The following ULK2 variants were observed in gnomAD, a reference collection of about 807,000 sequenced individuals.
ULK2 encodes the protein serine/threonine-protein kinase ULK2.
ULK2 carries 76 observed loss-of-function variants against 127.5 expected under a neutral mutation model. The observed-to-expected ratio is 0.60, with a 90% CI of 0.50 to 0.72. ULK2 has a LOEUF of 0.72. Among genes scored for constraint, ULK2 ranks in the 30% least tolerant of loss-of-function variants. The pLI is 0.00. For missense variants in ULK2, 1,144 were observed against 1,295.9 expected (o/e 0.88, Z 1.80); for synonymous variants, 452 against 461.9 (o/e 0.98, Z 0.28).
chr17:19,786,148 G>A (rs2087026653), intron 20 of ULK2, 62 bp from the exon 21 acceptor site: 2 of 1,478,796 alleles, frequency 1.4e-6, no homozygotes, highest in Non-Finnish European at 1.8e-6. Flanking sequence ...TGGGAGATGG[G>A]ATTGCAGGGG....
intron 12 of ULK2, among the ~76,000 whole-genome samples, chr17:19,818,461 A>C (rs542671436): frequency 9.2e-5 from 14 of 152,314 alleles, no homozygotes; most frequent in African/African-American, 3.1e-4. Flanking sequence ...ACTCCACAAT[A>C]TCTTTCCAGT....
intron 3 of ULK2, among the ~76,000 whole-genome samples, chr17:19,856,783 T>A (rs539482452): frequency 6.7e-6 from 1 of 150,102 alleles, no homozygotes; most frequent in Admixed American, 6.7e-5. Flanking sequence ...CCATCCTGGC[T>A]AACACGGTGA....
In ULK2 at chr17:19,801,780, A is replaced by G. The variant is rs1429379778; in HGVS notation, c.1438T>C (p.Leu480=). 2 of 1,613,180 alleles carry G rather than the reference A, an allele frequency of 1.2e-6. 1 individual carries two copies. Residue 480 remains leucine, a synonymous_variant, in exon 16 of 27, where the codon TTG becomes CTG. Transcript: ENST00000395544. ...GSSRPYSPSP[L]VGTIPEQFSQ... is the part of the protein sequence containing the mutation. ...ACTGTTTTTAAACTCTACTTACCCA[A>G]AGGGGAAGGTGAGTAAGGCCTAGAA...
chr17:19,785,656 C>A (rs115223212), intron 21 of ULK2, among the ~76,000 whole-genome samples: 4,661 of 151,824 alleles, frequency 0.031, 224 homozygotes, highest in African/African-American at 0.11. Flanking sequence ...ACGAAGAAGT[C>A]ATATTTATAC....
intron 7 of ULK2, 62 bp from the exon 8 acceptor site, chr17:19,843,284 T>C: frequency 3.7e-6 from 4 of 1,080,082 alleles, no homozygotes; most frequent in African/African-American, 1.6e-5. Context: ...TATGCACATA[T>C]TAATTAACTG....
At chr17:19,838,190 C>A (rs1223034472) in intron 10 of ULK2, among the ~76,000 whole-genome samples, 1 of 150,842 alleles carries the variant, frequency 6.6e-6, no homozygotes, top group East Asian at 1.9e-4. Context: ...CCCACCCCCA[C>A]CCCACCCCCA....
intron 25 of ULK2, among the ~76,000 whole-genome samples, chr17:19,778,907 AT>A (rs2086861790): frequency 6.6e-6 from 1 of 152,200 alleles, no homozygotes; most frequent in South Asian, 2.1e-4. Context: ...GAACGGAGGA[AT>A]TTATAAGTTA....
At chr17:19,854,818 G>A (rs898383463) in intron 3 of ULK2, among the ~76,000 whole-genome samples, 2 of 152,048 alleles carry the variant, frequency 1.3e-5, no homozygotes, top group Admixed American at 1.3e-4. Context: ...TTAAAGACAC[G>A]GCGGGGGCAT....
At chr17:19,814,440 T>TATATATATACACACATATATA (rs1567696572) in intron 13 of ULK2, among the ~76,000 whole-genome samples, 22 of 7,070 alleles carry the variant, frequency 3.1e-3, no homozygotes, top group African/African-American at 7.9e-3. Context: ...ATATATATAT[T>TATATATATACACACATATATA]TTTTTTTTTT....
chr17:19,841,185 G>C (rs1189269072), intron 9 of ULK2, among the ~76,000 whole-genome samples: 2 of 152,080 alleles, frequency 1.3e-5, no homozygotes, highest in Non-Finnish European at 2.9e-5. Context: ...GCAAAGCTGG[G>C]GGGAATTCAC....
At chr17:19,823,048 ACTCC>A (rs1170650298) in intron 12 of ULK2, among the ~76,000 whole-genome samples, 1 of 138,108 alleles carries the variant, frequency 7.2e-6, no homozygotes, top group East Asian at 2.1e-4. Flanking sequence ...CTGGCCTTGA[ACTCC>A]TGGGATCAAG....
At position 19,782,027 on chromosome 17, in the gene ULK2, A is replaced by G. The variant is rs2152381780; in HGVS notation, c.2501T>C (p.Leu834Pro). The G allele has an allele frequency of 6.2e-7, 1 of 1,614,208 alleles. No homozygotes were observed. The highest frequency in any genetic ancestry group is 1.1e-5 in the South Asian group (1 of 91,080). The stretch of plus-strand genomic sequence containing the variant: ...GTCCAGCACACACTCAGTGAACATC[A>G]GCATCACATTCAGATGGCGTAAGGT... The part of the protein sequence containing the change: ...TDTLRHLNVM[L>P]MFTECVLDLT... Residue 834 changes from leucine (L) to proline (P), a missense_variant, in exon 23 of 27, where the codon CTG becomes CCG. Physicochemically the swap from Leu to Pro is moderately conservative, Grantham distance 98. This residue lies in a region of ULK2 where 913 missense variants were observed against 970.5 expected (regional missense o/e 0.94). Coordinates refer to ENST00000395544, the MANE Select transcript of ULK2 (RefSeq NM_014683.4).
chr17:19,803,108 A>C (rs1298799077), intron 15 of ULK2, among the ~76,000 whole-genome samples: 1 of 152,194 alleles, frequency 6.6e-6, no homozygotes, highest in Non-Finnish European at 1.5e-5. Flanking sequence ...AAGACTTACC[A>C]TTTTTGACAA....
chr17:19,780,590 G>C lies in ULK2; in HGVS notation c.2798C>G (p.Thr933Ser). 1 of 1,613,004 alleles carries C rather than the reference G, an allele frequency of 6.2e-7. No homozygotes were observed. Among genetic ancestry groups the C allele is most frequent in the East Asian group, 2.2e-5 (1 of 44,822 alleles). ...CTTTTCTGTAAGTTTCTTGCACATG[G>C]TGATGCAGAATTTATATCGTTCGTT... ...NLNERYKFCI[T>S]MCKKLTEKLN... The change falls in exon 25 of 27, where the codon ACC becomes AGC. Residue 933 changes from threonine (T) to serine (S), a missense_variant. Physicochemically the swap from Thr to Ser is moderately conservative, Grantham distance 58. Transcript: ENST00000395544.
rs1870357531 is a variant in ULK2 at position 19,846,676 on chromosome 17, A to C, written c.469+61T>G. 4 of 1,492,792 alleles carry C rather than the reference A, an allele frequency of 2.7e-6. No individual in the cohort carries two copies. The African/African-American group carries it at 4.3e-5, about 16-fold the overall frequency. The allele number at this position is 1,492,792 out of a possible 1,614,324, so 92.5% of individuals were successfully genotyped here. On this transcript the variant is annotated intron_variant, in intron 6 of 26. Transcript: ENST00000395544. ...AAAAATCCATCATTCAACAAAGCTA[A>C]AGTTGTCTAAAAATAGTTTCAAAAA...
At chr17:19,782,653 T>G (rs2086943969) in intron 22 of ULK2, among the ~76,000 whole-genome samples, 1 of 152,200 alleles carries the variant, frequency 6.6e-6, no homozygotes, top group East Asian at 1.9e-4. Flanking sequence ...TGGTGGCTCA[T>G]GCCTGTAATC....
At chr17:19,788,709 G>A (rs2087088181) in intron 20 of ULK2, among the ~76,000 whole-genome samples, 1 of 152,122 alleles carries the variant, frequency 6.6e-6, no homozygotes, top group African/African-American at 2.4e-5. Flanking sequence ...TTCTGGACCT[G>A]CCCTGAAGGG....
At chr17:19,848,360 T>A (rs1349853254) in intron 5 of ULK2, 1 of 152,192 alleles carries the variant, frequency 6.6e-6, no homozygotes, top group Non-Finnish European at 1.5e-5. Flanking sequence ...CATTTGTAAA[T>A]AAGAGAGAAA....
At chr17:19,856,835 G>C (rs527987583) in intron 3 of ULK2, among the ~76,000 whole-genome samples, 1 of 151,254 alleles carries the variant, frequency 6.6e-6, no homozygotes, top group Non-Finnish European at 1.5e-5. Flanking sequence ...AAATTAGCCA[G>C]GCATGGTGGT....
Sources: allele counts gnomAD v4.1 joint callset (sites outside exome capture counted in the v4.1 genomes callset), GRCh38; gene constraint gnomAD v4.1.1; regional missense constraint gnomAD v4.1.1; transcripts MANE v1.5; gene names NCBI Gene and HGNC (gene_info 2026-07-23, HGNC 2026-07-21).